NCOR2: variants seen among roughly 807,000 people sequenced by gnomAD.
NCOR2 encodes the protein nuclear receptor corepressor 2, also known as CTG repeat protein 26.
NCOR2 carries 81 observed loss-of-function variants against 262.9 expected under a neutral mutation model. The observed-to-expected ratio is 0.31, with a 90% confidence interval of 0.26 to 0.37. The LOEUF (loss-of-function observed/expected upper bound fraction) is 0.37, where lower values mean the gene tolerates loss of function less well. NCOR2 is among the 10% of genes least tolerant of loss of function. NCOR2 has a pLI of 1.00. For synonymous variants in NCOR2, 1,659 were observed against 1,559.3 expected (o/e 1.06, Z -1.51); for missense variants, 3,385 against 3,621.4 (o/e 0.93, Z 1.68).
intron 1 of NCOR2, among the ~76,000 whole-genome samples, chr12:124,533,289 G>GT (rs1018753392): frequency 2.0e-5 from 3 of 151,958 alleles, no homozygotes; most frequent in Non-Finnish European, 4.4e-5. Context: ...TCAGAATCGC[G>GT]CAACCCGGGA....
At chr12:124,343,746 C>T (rs963041386) in intron 32 of NCOR2, among the ~76,000 whole-genome samples, 1 of 152,098 alleles carries the variant, frequency 6.6e-6, no homozygotes, top group Admixed American at 6.5e-5. Flanking sequence ...CCTGCCTCAG[C>T]CTCCCGAGTA....
rs1566353577 is a variant in NCOR2 at position 124,333,891 on chromosome 12, T to TGTGCACGCGCATGTGTGTGG, written c.6605+532_6605+533insCCACACACATGCGCGTGCAC. ...GCGCATGTGTGCGGGTGTGCATGTG[T>TGTGCACGCGCATGTGTGTGG]GTGTGCGCGCGCATGTGTGCGGGTG... On this transcript the variant is annotated intron_variant, in intron 41 of 46. Transcript: ENST00000405201. Among the ~76,000 whole-genome samples the TGTGCACGCGCATGTGTGTGG allele has an allele frequency of 4.0e-4, 58 of 143,866 alleles. 8 individuals carry two copies. The highest frequency in any genetic ancestry group is 7.5e-4 in the Admixed American group (11 of 14,610). The allele number at this position is 143,866 out of a possible 152,430, so 94.4% of individuals were successfully genotyped here.
At chr12:124,374,322 C>G in intron 19 of NCOR2, 91 bp downstream of exon 21, 1 of 1,333,984 alleles carries the variant, frequency 7.5e-7, no homozygotes, top group Non-Finnish European at 1.1e-6. Flanking sequence ...GGCATGTGCT[C>G]AGAAGCGGGG....
rs1015069897 is a variant in NCOR2, at chr12:124,531,358, G to A, written c.-118+4207C>T. Among the ~76,000 whole-genome samples the A allele has an allele frequency of 2.0e-5, 3 of 152,228 alleles. No individual in the cohort carries two copies. The highest frequency in any genetic ancestry group is 2.9e-5 in the Non-Finnish European group (2 of 68,036). On this transcript the variant is annotated intron_variant, in intron 1 of 46. Transcript: ENST00000404621. This position sits in a 1 kb window ranked among gnomAD's most constrained non-coding sequence, Gnocchi z 4.5. ...GGGCAGGCGCCTGGAGCCAACGGCA[G>A]GAGGGGCATCCCCCGGGCCCGATTA... is the stretch of plus-strand genomic sequence containing the variant.
chr12:124,526,571 C>G (rs1593981178), intron 1 of NCOR2, among the ~76,000 whole-genome samples: 1 of 152,186 alleles, frequency 6.6e-6, no homozygotes, highest in African/African-American at 2.4e-5. Context: ...TGCCCCCAGC[C>G]ACCCCCATCC....
chr12:124,517,605 C>T lies in NCOR2; in HGVS notation c.-118+17960G>A, dbSNP rs923228489. On this transcript the variant is annotated intron_variant, in intron 1 of 46. Coordinates refer to the NCOR2 transcript ENST00000404621. The surrounding 1 kb of genome is among the most constrained non-coding windows in gnomAD (Gnocchi z 7.6). Reference sequence around the variant, plus strand: ...ACCGCGGAGCCCCAGGGCAGAGCCTCGGGAGCGCCCACGATCACATGCCCT... The same window carrying T: ...ACCGCGGAGCCCCAGGGCAGAGCCTTGGGAGCGCCCACGATCACATGCCCT... 1.3e-5 allele frequency among the ~76,000 whole-genome samples: 2 copies of T among 152,178 alleles called. No homozygotes were observed. Among genetic ancestry groups the T allele is most frequent in the African/African-American group, 2.4e-5 (1 of 41,452 alleles).
At chr12:124,334,784 C>T in intron 40 of NCOR2, 167 bp from the exon 43 acceptor site, 1 of 592,272 alleles carries the variant, frequency 1.7e-6, no homozygotes, top group East Asian at 2.9e-5. Context: ...TCCCAGTGTG[C>T]ATGGGAGTGG....
chr12:124,383,116 G>C (rs532023445), intron 17 of NCOR2, among the ~76,000 whole-genome samples: 2 of 152,274 alleles, frequency 1.3e-5, no homozygotes, highest in African/African-American at 4.8e-5. Context: ...AGAGTGTCTG[G>C]GGCATACTAG....
intron 3 of NCOR2, among the ~76,000 whole-genome samples, chr12:124,478,827 A>G (rs1229674470): frequency 6.6e-6 from 1 of 152,158 alleles, no homozygotes; most frequent in Non-Finnish European, 1.5e-5. Context: ...ACACAAACAG[A>G]AAGAGATAGA....
chr12:124,516,225 G>A (rs1019876134), intron 1 of NCOR2, among the ~76,000 whole-genome samples: 12 of 152,216 alleles, frequency 7.9e-5, no homozygotes, highest in African/African-American at 2.9e-4. Context: ...AGCATCCGGT[G>A]TCACTTACAA....
intron 37 of NCOR2, among the ~76,000 whole-genome samples, chr12:124,337,517 A>G (rs6488930): frequency 0.19 from 28,758 of 152,164 alleles, 3,225 homozygotes; most frequent in East Asian, 0.51. Flanking sequence ...ATTAACAGAT[A>G]TCCCAAGCTC....
chr12:124,328,296 G>T (rs78310648), intron 44 of NCOR2, among the ~76,000 whole-genome samples: 4,230 of 152,288 alleles, frequency 0.028, 95 homozygotes, highest in African/African-American at 0.061. Flanking sequence ...GGAGAAAGAG[G>T]TGCAGAGACG....
At position 124,326,375 on chromosome 12, in the gene NCOR2, A is replaced by G; in HGVS notation, c.7184-5T>C. 2.0e-6 allele frequency: 3 copies of G among 1,487,244 alleles called. No homozygotes were observed. Among genetic ancestry groups the G allele is most frequent in the Non-Finnish European group, 2.7e-6 (3 of 1,124,054 alleles). The allele number at this position is 1,487,244 out of a possible 1,614,324, so 92.1% of individuals were successfully genotyped here. The stretch of plus-strand genomic sequence containing the variant: ...CCTTGGCCTTCCCGCCGCCACCTGC[A>G]GGGGGACAAGATGGGAAGGGGCTGC... On this transcript the variant is annotated splice_region_variant and splice_polypyrimidine_tract_variant and intron_variant, in intron 45 of 46. Transcript: ENST00000405201.
At chr12:124,480,174 G>A (rs1004634298) in intron 3 of NCOR2, among the ~76,000 whole-genome samples, 3 of 152,200 alleles carry the variant, frequency 2.0e-5, no homozygotes, top group East Asian at 1.9e-4. Context: ...TTCCCTCCCC[G>A]GGGCTGTCTC....
chr12:124,519,736 C>T (rs11057651), intron 1 of NCOR2, among the ~76,000 whole-genome samples: 6 of 152,212 alleles, frequency 3.9e-5, no homozygotes, highest in African/African-American at 9.6e-5. Context: ...CCACACACAC[C>T]GAGCCCAGCA....
chr12:124,382,803 G>A (rs1467339744), intron 17 of NCOR2, among the ~76,000 whole-genome samples: 3 of 152,214 alleles, frequency 2.0e-5, no homozygotes, highest in African/African-American at 7.2e-5. Flanking sequence ...CTTATTGAGG[G>A]CTGACCAAGG....
intron 1 of NCOR2, among the ~76,000 whole-genome samples, chr12:124,508,944 C>T (rs1340688269): frequency 6.6e-6 from 1 of 152,068 alleles, no homozygotes; most frequent in Non-Finnish European, 1.5e-5. Context: ...CCCAAGAGGC[C>T]CTCAACTATT....
rs764489855 is a variant in NCOR2 at position 124,326,218 on chromosome 12, C to T, written c.7336G>A (p.Val2446Met). 1.8e-5 allele frequency: 28 copies of T among 1,537,882 alleles called. No individual in the cohort carries two copies. In the Admixed American group the frequency reaches 3.4e-4, roughly 19 times the overall value. Residue 2446 changes from valine to methionine, a missense_variant, in exon 46 of 47, where the codon GTG becomes ATG. By Grantham distance (21) the Val-to-Met change is conservative. Coordinates refer to ENST00000405201, the Ensembl canonical transcript of NCOR2. ...GCGGACGAGGGCCTGTCCTCCCACA[C>T]GCGGTTGGTGAGCGGCGTCCGGCGG...
chr12:124,371,288 G>C (rs1164554230), intron 20 of NCOR2, among the ~76,000 whole-genome samples: 1 of 143,760 alleles, frequency 7.0e-6, no homozygotes. Context: ...TTCCCACCTC[G>C]GGCCTTCGCA....
Sources: allele counts gnomAD v4.1 joint callset (sites outside exome capture counted in the v4.1 genomes callset), GRCh38; gene constraint gnomAD v4.1.1; non-coding constraint Gnocchi (gnomAD v3.1); transcripts MANE v1.5; gene names NCBI Gene and HGNC (gene_info 2026-07-23, HGNC 2026-07-21).